SCLT1: variants seen among roughly 807,000 people sequenced by gnomAD.
SCLT1 encodes sodium channel-associated protein 1.
In SCLT1, 78 loss-of-function variants were observed where a neutral mutation model predicts 112.8. The ratio of observed to expected loss-of-function variants is 0.69; its 90% CI spans 0.58 to 0.83. The LOEUF (loss-of-function observed/expected upper bound fraction) is 0.83. Ranked by LOEUF, SCLT1 falls within the 40% of genes least tolerant of loss-of-function variation. The pLI is 0.00. For synonymous variants in SCLT1, 257 were observed against 254.7 expected (o/e 1.01, Z -0.09); for missense variants, 747 against 770.4 (o/e 0.97, Z 0.36).
intron 5 of SCLT1, among the ~76,000 whole-genome samples, 171 bp from the exon 6 acceptor site, chr4:129,004,047 A>G (rs904243755): frequency 6.6e-6 from 1 of 152,180 alleles, no homozygotes; most frequent in Non-Finnish European, 1.5e-5. Flanking sequence ...ATACTGTGCT[A>G]TAAGAATCAA....
At chr4:128,984,374 TG>T (rs1172648991) in intron 9 of SCLT1, among the ~76,000 whole-genome samples, 1 of 152,218 alleles carries the variant, frequency 6.6e-6, no homozygotes, top group African/African-American at 2.4e-5. Flanking sequence ...AGTTCTAATT[TG>T]GCTTTTCCAT....
chr4:128,995,295 C>T (rs2126074400), intron 8 of SCLT1, among the ~76,000 whole-genome samples: 1 of 152,120 alleles, frequency 6.6e-6, no homozygotes, highest in South Asian at 2.1e-4. Flanking sequence ...TTCTTTAGGT[C>T]CATAATTTGT....
At chr4:129,090,441 A>G (rs1171497929) in intron 1 of SCLT1, among the ~76,000 whole-genome samples, 3 of 152,248 alleles carry the variant, frequency 2.0e-5, no homozygotes, top group Non-Finnish European at 4.4e-5. Flanking sequence ...CATCCCTTGT[A>G]TAAAATTTAA....
chr4:129,034,944 T>A (rs1190321570), intron 5 of SCLT1, among the ~76,000 whole-genome samples: 1 of 152,114 alleles, frequency 6.6e-6, no homozygotes, highest in Non-Finnish European at 1.5e-5. Context: ...AATCTCTTTA[T>A]CAGTACACTT....
At chr4:128,891,802 G>A (rs1176156977) in intron 18 of SCLT1, among the ~76,000 whole-genome samples, 1 of 151,770 alleles carries the variant, frequency 6.6e-6, no homozygotes, top group Non-Finnish European at 1.5e-5. Context: ...GCACCACCAC[G>A]CCTGGATAAT....
intron 9 of SCLT1, among the ~76,000 whole-genome samples, chr4:128,980,218 T>C (rs1461710701): frequency 6.6e-6 from 1 of 152,172 alleles, no homozygotes; most frequent in Non-Finnish European, 1.5e-5. Context: ...GAATTCCAGA[T>C]TTCCATAGCA....
intron 18 of SCLT1, among the ~76,000 whole-genome samples, chr4:128,910,154 A>T (rs1262591998): frequency 1.3e-5 from 2 of 152,218 alleles, no homozygotes; most frequent in African/African-American, 2.4e-5. Context: ...AAGGATCTGT[A>T]CAGTTTAAAT....
chr4:128,966,295 T>A (rs1740183699), intron 10 of SCLT1, among the ~76,000 whole-genome samples: 1 of 152,062 alleles, frequency 6.6e-6, no homozygotes, highest in Non-Finnish European at 1.5e-5. Flanking sequence ...CTCTATTGCT[T>A]TTAGCTATAT....
rs78067501 is a variant in SCLT1 at position 129,038,816 on chromosome 4, C to A, written c.290+225G>T. On this transcript the variant is annotated intron_variant, in intron 5 of 20. Transcript: ENST00000281142. ...TACAGTCAGCCCTATGAAATAGGTT[C>A]TATTATTATCTCTGATTTATAGAAG... 7.9e-3 allele frequency among the ~76,000 whole-genome samples: 1,206 copies of A among 152,166 alleles called. 14 individuals are homozygous for A. Among genetic ancestry groups the A allele is most frequent in the African/African-American group, 0.028 (1,156 of 41,488 alleles).
intron 2 of SCLT1, among the ~76,000 whole-genome samples, chr4:129,065,154 G>C (rs1000509472): frequency 1.3e-5 from 2 of 151,598 alleles, no homozygotes; most frequent in South Asian, 2.1e-4. Flanking sequence ...CTTGAAGTTG[G>C]GTATAGAAGT....
At chr4:129,049,086 T>C (rs1748490434) in intron 2 of SCLT1, among the ~76,000 whole-genome samples, 1 of 151,840 alleles carries the variant, frequency 6.6e-6, no homozygotes, top group African/African-American at 2.4e-5. Context: ...TCCTCAGGGA[T>C]CTAGAACTAG....
At chr4:129,084,284 C>CA (rs927123285) in intron 1 of SCLT1, among the ~76,000 whole-genome samples, 2 of 151,662 alleles carry the variant, frequency 1.3e-5, no homozygotes, top group African/African-American at 4.8e-5. Context: ...GTGATTAATC[C>CA]AAAAAAACCA....
intron 18 of SCLT1, among the ~76,000 whole-genome samples, chr4:128,915,541 A>G (rs1274510753): frequency 6.6e-6 from 1 of 152,200 alleles, no homozygotes; most frequent in Non-Finnish European, 1.5e-5. Flanking sequence ...CAGTGGTACA[A>G]TTATGGGAAT....
Position 129,071,090 on chromosome 4 carries a change from G to A in SCLT1, c.102+11216C>T, listed in dbSNP as rs114130702. Reference sequence around the variant, plus strand: ...TTCCATGTATTTGCATGGTTTTGAAGGTTCTTTTTGGAGTCAATTTCCAGT... The same window carrying A: ...TTCCATGTATTTGCATGGTTTTGAAAGTTCTTTTTGGAGTCAATTTCCAGT... On this transcript the variant is annotated intron_variant, in intron 2 of 20. Coordinates refer to ENST00000281142, the MANE Select transcript of SCLT1 (RefSeq NM_144643.4). 5.4e-3 allele frequency among the ~76,000 whole-genome samples: 817 copies of A among 152,210 alleles called. 4 individuals are homozygous for A. Among genetic ancestry groups the A allele is most frequent in the Non-Finnish European group, 9.0e-3 (612 of 67,990 alleles).
At chr4:129,002,574 C>A (rs1354895504) in intron 6 of SCLT1, among the ~76,000 whole-genome samples, 1 of 151,744 alleles carries the variant, frequency 6.6e-6, no homozygotes, top group Non-Finnish European at 1.5e-5. Flanking sequence ...CTACAAAGAA[C>A]TTAAACAAAT....
intron 18 of SCLT1, among the ~76,000 whole-genome samples, chr4:128,935,271 C>T (rs1737091544): frequency 6.6e-6 from 1 of 151,844 alleles, no homozygotes; most frequent in South Asian, 2.1e-4. Context: ...GCCTAGTTCA[C>T]CACTAACTCT....
chr4:128,975,648 T>C (rs1353916352), intron 9 of SCLT1, among the ~76,000 whole-genome samples: 1 of 152,188 alleles, frequency 6.6e-6, no homozygotes. Context: ...ATATTCTTAA[T>C]TTTTTCCTCT....
At chr4:129,038,986 A>T (rs541784160) in intron 5 of SCLT1, 55 bp downstream of exon 5, 1 of 1,097,388 alleles carries the variant, frequency 9.1e-7, no homozygotes, top group South Asian at 1.3e-5. Flanking sequence ...AATAACAAAA[A>T]TAAAAGTTAC....
chr4:128,930,446 A>G (rs1209440004), intron 18 of SCLT1, among the ~76,000 whole-genome samples: 3 of 152,216 alleles, frequency 2.0e-5, no homozygotes, highest in African/African-American at 7.2e-5. Context: ...TTTCATGAGT[A>G]AACGCTTGAC....
Sources: gnomAD v4.1 joint callset for allele counts (sites outside exome capture counted in the v4.1 genomes callset) on GRCh38, gnomAD v4.1.1 for gene constraint, MANE v1.5 for transcripts, NCBI Gene and HGNC (gene_info 2026-07-23, HGNC 2026-07-21) for gene names.